Variants in TATDN1 observed in about 807,000 individuals in gnomAD.
TATDN1 encodes TatD DNase domain containing 1.
TATDN1 carries 40 observed loss-of-function variants against 46.4 expected under a neutral mutation model. That is an observed-to-expected ratio of 0.86 (90% CI 0.67 to 1.12). The LOEUF is 1.12. Ranked by LOEUF, TATDN1 falls within the 50% of genes most tolerant of loss-of-function variation. The pLI is 0.00. For missense variants in TATDN1, 326 were observed against 348.4 expected (o/e 0.94, Z 0.51); for synonymous variants, 95 against 105.6 (o/e 0.90, Z 0.62).
In TATDN1 at chr8:124,515,988, C is replaced by G; in HGVS notation, c.245G>C (p.Gly82Ala). ...STVGCHPTRCGEFEKNNPDLY... is the reference protein window; with the variant it reads ...STVGCHPTRCAEFEKNNPDLY... ...ATCAGGGTTATTCTTTTCAAATTCA[C>G]CACATCTTGTAGGATGACATCCAAC... Residue 82 changes from glycine (G) to alanine (A), a missense_variant, in exon 5 of 12, where the codon GGT becomes GCT. By Grantham distance (60) the Gly-to-Ala change is moderately conservative. Transcript: ENST00000276692. The G allele has an allele frequency of 1.2e-6, 2 of 1,613,688 alleles. No homozygotes were observed.
At chr8:124,517,510 T>C (rs1013561557) in intron 4 of TATDN1, among the ~76,000 whole-genome samples, 16 of 151,974 alleles carry the variant, frequency 1.1e-4, no homozygotes, top group African/African-American at 3.6e-4. Flanking sequence ...AAATATAGCT[T>C]TTAGTAAGTT....
intron 11 of TATDN1, among the ~76,000 whole-genome samples, chr8:124,492,168 T>A (rs919158523): frequency 6.6e-6 from 1 of 152,084 alleles, no homozygotes; most frequent in African/African-American, 2.4e-5. Context: ...AGAGACAGGA[T>A]TTCACCATGT....
At chr8:124,495,586 G>A (rs565560404) in intron 9 of TATDN1, 44 bp from the exon 10 acceptor site, 5 of 1,448,518 alleles carry the variant, frequency 3.5e-6, no homozygotes, top group Admixed American at 2.1e-5. Context: ...AGCAATTAAC[G>A]AATACCTTTT....
At chr8:124,492,631 A>T (rs910497152) in intron 11 of TATDN1, among the ~76,000 whole-genome samples, 1 of 151,596 alleles carries the variant, frequency 6.6e-6, no homozygotes, top group African/African-American at 2.4e-5. Flanking sequence ...GCATGTGCCT[A>T]TAGTTCCAGC....
intron 4 of TATDN1, among the ~76,000 whole-genome samples, chr8:124,517,301 G>A (rs990184406): frequency 1.3e-5 from 2 of 151,938 alleles, no homozygotes; most frequent in East Asian, 1.9e-4. Flanking sequence ...GGTGGCACAC[G>A]CCTGTAATCC....
intron 9 of TATDN1, among the ~76,000 whole-genome samples, chr8:124,500,075 C>T (rs1010275303): frequency 2.6e-5 from 4 of 151,964 alleles, no homozygotes; most frequent in Non-Finnish European, 5.9e-5. Flanking sequence ...GAACTCCTGA[C>T]CTTGTGAACC....
chr8:124,523,824 G>A (rs1586658213), intron 1 of TATDN1, among the ~76,000 whole-genome samples: 1 of 152,056 alleles, frequency 6.6e-6, no homozygotes, highest in African/African-American at 2.4e-5. Context: ...GAAGGGAGAG[G>A]TCAGAAGACA....
At chr8:124,508,955 G>A (rs72713077) in intron 6 of TATDN1, among the ~76,000 whole-genome samples, 13,277 of 152,148 alleles carry the variant, frequency 0.087, 646 homozygotes, top group East Asian at 0.16. Context: ...CCTTGCCACT[G>A]GGAGCACCAT....
intron 1 of TATDN1, among the ~76,000 whole-genome samples, chr8:124,536,174 T>C (rs976257535): frequency 6.6e-6 from 1 of 152,194 alleles, no homozygotes; most frequent in Non-Finnish European, 1.5e-5. Flanking sequence ...GGTAGAAGTA[T>C]TTTTGAGAGT....
chr8:124,489,912 A>G (rs1237505881), intron 11 of TATDN1: 1 of 152,240 alleles, frequency 6.6e-6, no homozygotes, highest in Admixed American at 6.5e-5. Flanking sequence ...ATGGAGATCT[A>G]AGATTAATGG....
At chr8:124,525,735 C>T (rs1820430934) in intron 1 of TATDN1, among the ~76,000 whole-genome samples, 1 of 152,160 alleles carries the variant, frequency 6.6e-6, no homozygotes, top group Admixed American at 6.5e-5. Flanking sequence ...TGTCATACCA[C>T]CTTAAGTGGT....
intron 1 of TATDN1, among the ~76,000 whole-genome samples, chr8:124,536,244 A>C (rs945354268): frequency 1.3e-5 from 2 of 152,174 alleles, no homozygotes; most frequent in Non-Finnish European, 1.5e-5. Context: ...CAGAAAAGAG[A>C]GTATAAGCTG....
intron 11 of TATDN1, chr8:124,489,403 C>CTTTT (rs11443180): frequency 1.4e-5 from 2 of 146,750 alleles, no homozygotes; most frequent in African/African-American, 2.5e-5. Context: ...TCTTTCCTTT[C>CTTTT]TTTTTTTTTT....
At chr8:124,530,902 C>G (rs891299060) in intron 1 of TATDN1, among the ~76,000 whole-genome samples, 2 of 152,126 alleles carry the variant, frequency 1.3e-5, no homozygotes, top group Admixed American at 6.5e-5. Flanking sequence ...ACTGAAGTCT[C>G]GTGTAGAGAC....
intron 6 of TATDN1, among the ~76,000 whole-genome samples, 177 bp from the exon 7 acceptor site, chr8:124,508,865 T>C (rs1353115083): frequency 6.6e-6 from 1 of 152,208 alleles, no homozygotes; most frequent in Non-Finnish European, 1.5e-5. Flanking sequence ...AACTTACAAC[T>C]TCTGGAAAGA....
At chr8:124,520,560 G>A (rs1586648864) in intron 3 of TATDN1, among the ~76,000 whole-genome samples, 1 of 151,884 alleles carries the variant, frequency 6.6e-6, no homozygotes, top group East Asian at 1.9e-4. Context: ...TACTAACCAA[G>A]TATACTTTTT....
intron 1 of TATDN1, among the ~76,000 whole-genome samples, chr8:124,536,529 G>A (rs1026922018): frequency 8.5e-5 from 13 of 152,174 alleles, no homozygotes; most frequent in African/African-American, 2.9e-4. Context: ...AGGTGACAGA[G>A]CAAGACCCTG....
At chr8:124,513,417 C>T (rs747775916) in intron 6 of TATDN1, among the ~76,000 whole-genome samples, 2 of 152,168 alleles carry the variant, frequency 1.3e-5, no homozygotes, top group Non-Finnish European at 2.9e-5. Flanking sequence ...TAAGCACTTC[C>T]AACCTATTTT....
At chr8:124,523,599 AATAAT>A (rs1820240362) in intron 1 of TATDN1, 1 of 152,394 alleles carries the variant, frequency 6.6e-6, no homozygotes, top group African/African-American at 2.4e-5. Flanking sequence ...AACAATAAAA[AATAAT>A]ATAAATAAAA....
Sources: allele counts gnomAD v4.1 joint callset (sites outside exome capture counted in the v4.1 genomes callset), GRCh38; gene constraint gnomAD v4.1.1; transcripts MANE v1.5; gene names NCBI Gene and HGNC (gene_info 2026-07-23, HGNC 2026-07-21).